The following PRKCD variants were observed in gnomAD, a reference collection of about 807,000 sequenced individuals.
The protein encoded by PRKCD is protein kinase C delta.
Under a neutral mutation model 82.2 loss-of-function variants are expected in PRKCD, and 20 were observed. That is an observed-to-expected ratio of 0.24 (90% CI 0.17 to 0.35). The LOEUF (loss-of-function observed/expected upper bound fraction) is 0.35, where lower values mean the gene tolerates loss of function less well. Ranked by LOEUF, PRKCD falls within the 10% of genes least tolerant of loss-of-function variation. The probability of loss-of-function intolerance (pLI) is 1.00; values close to 1 mark genes in which losing one functional copy is unlikely to be tolerated. For synonymous variants in PRKCD, 317 were observed against 337.0 expected (o/e 0.94, Z 0.65); for missense variants, 607 against 899.0 (o/e 0.68, Z 4.15).
intron 14 of PRKCD, 87 bp downstream of exon 14, chr3:53,186,782 T>C (rs945487952): frequency 1.3e-5 from 17 of 1,343,268 alleles, no homozygotes; most frequent in Non-Finnish European, 1.8e-5. Context: ...CTCCATGCCT[T>C]CTTCCCTCTC....
At position 53,189,935 on chromosome 3, in the gene PRKCD, C is replaced by T; in HGVS notation, c.1806C>T (p.Phe602=). 6.2e-7 allele frequency: 1 copy of T among 1,614,220 alleles called. No homozygotes were observed. The highest frequency in any genetic ancestry group is 1.1e-5 in the South Asian group (1 of 91,088). ...CCGGAAACATCAAAATCCACCCCTT[C>T]TTCAAGACCATAAACTGGACTCTGC... is the stretch of plus-strand genomic sequence containing the variant. ...GVTGNIKIHP[F]FKTINWTLLE... Residue 602 remains phenylalanine (F), a synonymous_variant, in exon 18 of 19, where the codon TTC becomes TTT. Coordinates refer to ENST00000330452, the MANE Select transcript of PRKCD (RefSeq NM_006254.4).
intron 18 of PRKCD, among the ~76,000 whole-genome samples, chr3:53,191,316 G>A (rs1208674915): frequency 6.6e-6 from 1 of 152,228 alleles, no homozygotes; most frequent in Non-Finnish European, 1.5e-5. Flanking sequence ...GCTGAGGCAG[G>A]AGAATCGCTT....
In PRKCD at chr3:53,189,915, A is replaced by G; in HGVS notation, c.1786A>G (p.Asn596Asp). 6.2e-7 allele frequency: 1 copy of G among 1,614,190 alleles called. No homozygotes were observed. Among genetic ancestry groups the G allele is most frequent in the Non-Finnish European group, 8.5e-7 (1 of 1,180,026 alleles). ...AACCAAGAGGCTGGGAGTGACCGGAAACATCAAAATCCACCCCTTCTTCAA... is the reference window on the plus strand; with the variant it reads ...AACCAAGAGGCTGGGAGTGACCGGAGACATCAAAATCCACCCCTTCTTCAA... ...EPTKRLGVTG[N>D]IKIHPFFKTI... Residue 596 changes from asparagine (N) to aspartate (D), a missense_variant, in exon 18 of 19, where the codon AAC becomes GAC. By Grantham distance (23) the Asn-to-Asp change is conservative. Around this residue, in one of 5 missense-constraint regions of PRKCD, gnomAD observed 251 missense variants for 423.9 expected, o/e 0.59. Coordinates refer to ENST00000330452, the MANE Select transcript of PRKCD (RefSeq NM_006254.4).
rs1703964405 is a variant in PRKCD at position 53,192,548 on chromosome 3, T to C, written c.*282T>C. 5.5e-6 allele frequency: 1 copy of C among 182,542 alleles called. No individual in the cohort carries two copies. The highest frequency in any genetic ancestry group is 1.2e-5 in the Non-Finnish European group (1 of 86,806). The allele number at this position is 182,542 out of a possible 1,614,324, so 11.3% of individuals were successfully genotyped here. A position where few individuals can be genotyped will look rare whatever the true frequency, so the allele number is the denominator to read the frequency against. The stretch of plus-strand genomic sequence containing the variant: ...TATTATATACATAGACATATATATA[T>C]ATATAATAGGCTGTATATATTGCTC... On this transcript the variant is annotated 3_prime_UTR_variant, in exon 19 of 19. Coordinates refer to ENST00000330452, the MANE Select transcript of PRKCD (RefSeq NM_006254.4).
chr3:53,174,574 G>A lies in PRKCD; in HGVS notation c.-19-3830G>A, dbSNP rs576833267. ...ATCTCCCTGCCATACACTCTGAGAG[G>A]TAGGGGGCAGACTCTGACTCTGCTG... On this transcript the variant is annotated intron_variant, in intron 2 of 18. Transcript: ENST00000330452. Among the ~76,000 whole-genome samples the A allele has an allele frequency of 2.0e-5, 3 of 152,322 alleles. No homozygotes were observed. The South Asian group carries it at 6.2e-4, about 32-fold the overall frequency.
rs549669654 is a variant in PRKCD at position 53,174,454 on chromosome 3, C to T, written c.-19-3950C>T. Among the ~76,000 whole-genome samples the T allele has an allele frequency of 1.1e-4, 16 of 152,342 alleles. No individual in the cohort carries two copies. In the South Asian group the frequency reaches 2.1e-3, roughly 20 times the overall value. ...GGCCATGAGTCTGGGGCTGAGCCAG[C>T]GGCCTTCCTCTGGGGCCTCCGTGGC... On this transcript the variant is annotated intron_variant, in intron 2 of 18. Transcript: ENST00000330452.
intron 4 of PRKCD, 149 bp from the exon 5 acceptor site, chr3:53,181,058 C>G: frequency 1.3e-6 from 1 of 783,514 alleles, no homozygotes; most frequent in Non-Finnish European, 2.0e-6. Context: ...AGGCGGGGCC[C>G]TGCCCACACT....
chr3:53,186,948 G>T (rs939595127), intron 14 of PRKCD, among the ~76,000 whole-genome samples: 1 of 152,214 alleles, frequency 6.6e-6, no homozygotes, highest in African/African-American at 2.4e-5. Flanking sequence ...CCACAGCCAG[G>T]GCAGCCTTGC....
At chr3:53,183,681 G>C (rs1703556272) in intron 9 of PRKCD, 100 bp downstream of exon 9, 3 of 1,495,242 alleles carry the variant, frequency 2.0e-6, no homozygotes, top group Admixed American at 3.9e-5. Context: ...CTCACCTGGA[G>C]ACGGGCACCT....
intron 7 of PRKCD, among the ~76,000 whole-genome samples, chr3:53,182,744 G>A (rs1476140641): frequency 1.3e-5 from 2 of 152,136 alleles, no homozygotes; most frequent in East Asian, 3.9e-4. Context: ...CTGTTTTGAG[G>A]CGTGTCCATG....
At chr3:53,165,645 G>A (rs1186236036) in intron 2 of PRKCD, among the ~76,000 whole-genome samples, 2 of 152,200 alleles carry the variant, frequency 1.3e-5, no homozygotes, top group African/African-American at 2.4e-5. Context: ...CCCACAGTGG[G>A]TTGGACACTG....
At chr3:53,179,519 C>G (rs782329005) in intron 3 of PRKCD, 58 bp from the exon 4 acceptor site, 166 of 1,606,092 alleles carry the variant, frequency 1.0e-4, no homozygotes, top group Non-Finnish European at 1.3e-4. Context: ...CCGTGGAGGT[C>G]TACGAGGGAG....
At position 53,169,269 on chromosome 3, in the gene PRKCD, G is replaced by A. The variant is rs1702938041; in HGVS notation, c.-20+4054G>A. ...GTGGTGAAGCCAGGGAGGCAGGTGGGGCCACAAGCCTGAAGTTCAGGAGGG... is the reference window on the plus strand; with the variant it reads ...GTGGTGAAGCCAGGGAGGCAGGTGGAGCCACAAGCCTGAAGTTCAGGAGGG... On this transcript the variant is annotated intron_variant, in intron 2 of 18. Transcript: ENST00000330452. This position sits in a 1 kb window ranked among gnomAD's most constrained non-coding sequence, Gnocchi z 4.7. Among the ~76,000 whole-genome samples the A allele has an allele frequency of 6.6e-6, 1 of 152,120 alleles. No individual in the cohort carries two copies. Among genetic ancestry groups the A allele is most frequent in the African/African-American group, 2.4e-5 (1 of 41,408 alleles).
chr3:53,168,757 G>A (rs1702915898), intron 2 of PRKCD, among the ~76,000 whole-genome samples: 1 of 151,658 alleles, frequency 6.6e-6, no homozygotes, highest in African/African-American at 2.4e-5. Context: ...GGAACTGAAA[G>A]GGGTCAGCGT....
chr3:53,183,855 G>A (rs1553668345), intron 9 of PRKCD, among the ~76,000 whole-genome samples: 1 of 152,230 alleles, frequency 6.6e-6, no homozygotes, highest in African/African-American at 2.4e-5. Context: ...GGGCCAGTGG[G>A]CAGAGGGTGC....
Position 53,184,872 on chromosome 3 carries a change from A to G in PRKCD, c.788-2A>G, listed in dbSNP as rs1295207359. 2.5e-6 allele frequency: 4 copies of G among 1,613,442 alleles called. No individual in the cohort carries two copies. Among genetic ancestry groups the G allele is most frequent in the Non-Finnish European group, 3.4e-6 (4 of 1,179,678 alleles). ...GACAGCCCCGCTTCTCCCTCACCCC[A>G]GACTGCGGCATGAATGTGCACCATA... On this transcript the variant is annotated splice_acceptor_variant, in intron 9 of 18. Coordinates refer to ENST00000330452, the MANE Select transcript of PRKCD (RefSeq NM_006254.4). LOFTEE classifies it high-confidence loss of function.
chr3:53,179,439 C>G, intron 3 of PRKCD, 138 bp from the exon 4 acceptor site: 1 of 1,129,470 alleles, frequency 8.9e-7, no homozygotes, highest in Non-Finnish European at 1.3e-6. Flanking sequence ...GTTCTGTGCT[C>G]TAGAGGACAC....
intron 2 of PRKCD, among the ~76,000 whole-genome samples, chr3:53,168,964 G>A (rs1702925242): frequency 6.6e-6 from 1 of 151,970 alleles, no homozygotes; most frequent in Non-Finnish European, 1.5e-5. Context: ...AGCCCCGTCT[G>A]GTGGCTGGAA....
intron 15 of PRKCD, among the ~76,000 whole-genome samples, chr3:53,188,472 G>C (rs1703796743): frequency 6.6e-6 from 1 of 152,222 alleles, no homozygotes; most frequent in Non-Finnish European, 1.5e-5. Context: ...GACATCACCT[G>C]TTTGAGCCCC....
Sources: gnomAD v4.1 joint callset for allele counts (sites outside exome capture counted in the v4.1 genomes callset) on GRCh38, gnomAD v4.1.1 for gene constraint, gnomAD v4.1.1 regional missense constraint, Gnocchi (gnomAD v3.1) non-coding constraint, MANE v1.5 for transcripts, NCBI Gene and HGNC (gene_info 2026-07-23, HGNC 2026-07-21) for gene names.